PDK2: variants seen among roughly 807,000 people sequenced by gnomAD.
The protein encoded by PDK2 is pyruvate dehydrogenase kinase 2, also known as pyruvate dehydrogenase kinase, isozyme 2.
PDK2 carries 34 observed loss-of-function variants against 50.4 expected under a neutral mutation model. The ratio of observed to expected loss-of-function variants is 0.68; its 90% confidence interval spans 0.51 to 0.90. The LOEUF is 0.90. Among genes scored for constraint, PDK2 ranks in the 40% least tolerant of loss-of-function variants. The pLI is 0.00. For missense variants in PDK2, 377 were observed against 544.5 expected, an observed-to-expected ratio of 0.69 and a Z score of 3.06; for synonymous variants, 232 against 216.0, an observed-to-expected ratio of 1.07 and a Z score of -0.65.
Position 50,097,416 on chromosome 17 carries a change from C to A in PDK2, c.119-7C>A. 6.2e-7 allele frequency: 1 copy of A among 1,613,340 alleles called. No homozygotes were observed. The highest frequency in any genetic ancestry group is 8.5e-7 in the Non-Finnish European group (1 of 1,179,934). On this transcript the variant is annotated splice_polypyrimidine_tract_variant and splice_region_variant and intron_variant, in intron 1 of 10. Transcript: ENST00000503176. ...GCTCTGTGGCTCACCCCTCTTTCTC[C>A]TGCCAGGATCCAGCAATGCCTGTGA...
rs1277453319 is a variant in PDK2, at chr17:50,108,335, C to T, written c.779C>T (p.Thr260Ile). The T allele has an allele frequency of 2.5e-6, 4 of 1,613,906 alleles. No homozygotes were observed. In the African/African-American group the frequency reaches 4.0e-5, roughly 16 times the overall value. The change falls in exon 8 of 11, where the codon ACT becomes ATT. Residue 260 changes from threonine to isoleucine, a missense_variant. This residue lies in a region of PDK2 where 214 missense variants were observed against 294.0 expected (regional missense o/e 0.73). Transcript: ENST00000503176. Reference protein sequence around the residue: ...FELFKNAMRATVESHESSLIL... With the variant: ...FELFKNAMRAIVESHESSLIL... ...CCTCCGCAGAATGCCATGAGGGCGA[C>T]TGTGGAAAGCCATGAGTCCAGCCTC... is the stretch of plus-strand genomic sequence containing the variant.
chr17:50,107,001 TC>T, intron 5 of PDK2, 74 bp from the exon 6 acceptor site: 1 of 1,462,892 alleles, frequency 6.8e-7, no homozygotes, highest in Non-Finnish European at 9.6e-7. Context: ...ATGCTGGTGG[TC>T]CCCAGTATCA....
At chr17:50,108,460 G>A (rs1189972506) in intron 8 of PDK2, 43 bp downstream of exon 8, 5 of 1,511,320 alleles carry the variant, frequency 3.3e-6, no homozygotes, top group Non-Finnish European at 4.6e-6. Context: ...GCAGTAGTGG[G>A]GGCTTCCCTC....
chr17:50,106,285 G>A (rs1910512848), intron 4 of PDK2: 2 of 1,317,184 alleles, frequency 1.5e-6, no homozygotes, highest in African/African-American at 3.0e-5. Flanking sequence ...TTTGTTTTCA[G>A]TGTTTGCAAA....
Position 50,109,844 on chromosome 17 carries a change from T to G in PDK2, c.1084-113T>G. 8.0e-7 allele frequency: 1 copy of G among 1,242,358 alleles called. No individual in the cohort carries two copies. 77.0% of individuals were successfully genotyped at this position (1,242,358 alleles called of 1,614,324 possible). A position where few individuals can be genotyped will look rare whatever the true frequency, so the allele number is the denominator to read the frequency against. ...AGGAGGGACCACCCTTTTGTGGTCTTTCCAGGCCCCCGTGTCTGGCAGCTG... is the reference window on the plus strand; with the variant it reads ...AGGAGGGACCACCCTTTTGTGGTCTGTCCAGGCCCCCGTGTCTGGCAGCTG... On this transcript the variant is annotated intron_variant, in intron 10 of 10. Transcript: ENST00000503176. This position sits in a 1 kb window ranked among gnomAD's most constrained non-coding sequence, Gnocchi z 5.0.
chr17:50,097,466 G>A lies in PDK2; in HGVS notation c.162G>A (p.Arg54=). The change falls in exon 2 of 11, where the codon AGG becomes AGA. Residue 54 remains arginine (R), a synonymous_variant. Transcript: ENST00000503176. ...ACEKTSFTFL[R]QELPVRLANI... is the part of the protein sequence containing the mutation. ...AGAAAACCTCCTTCACCTTCCTCAGGCAGGAGCTGCCTGTGCGCCTGGCCA... is the reference window on the plus strand; with the variant it reads ...AGAAAACCTCCTTCACCTTCCTCAGACAGGAGCTGCCTGTGCGCCTGGCCA... 1.2e-6 allele frequency: 2 copies of A among 1,613,922 alleles called. No individual in the cohort carries two copies. Among genetic ancestry groups the A allele is most frequent in the Non-Finnish European group, 1.7e-6 (2 of 1,179,978 alleles).
intron 2 of PDK2, chr17:50,100,713 A>G (rs1910180798): frequency 6.6e-6 from 1 of 152,234 alleles, no homozygotes; most frequent in Non-Finnish European, 1.5e-5. Flanking sequence ...TCGCAACCTT[A>G]TGAGGTAGTC....
intron 3 of PDK2, among the ~76,000 whole-genome samples, chr17:50,105,663 C>T (rs1348221435): frequency 6.6e-6 from 1 of 152,190 alleles, no homozygotes; most frequent in Non-Finnish European, 1.5e-5. Flanking sequence ...GTGGGCAAGA[C>T]CCAGGCCCTG....
At chr17:50,096,382 T>C in intron 1 of PDK2, 3 of 758,832 alleles carry the variant, frequency 4.0e-6, no homozygotes, top group Non-Finnish European at 4.8e-6. Flanking sequence ...GTGTGGGCCC[T>C]GTCTGTCTAT....
intron 1 of PDK2, 158 bp downstream of exon 1, chr17:50,095,711 A>C (rs2144339704): frequency 3.5e-6 from 5 of 1,429,004 alleles, no homozygotes; most frequent in Non-Finnish European, 4.6e-6. Context: ...GGAAGCAGGA[A>C]CCGGCCGGGG....
intron 1 of PDK2, 133 bp downstream of exon 1, chr17:50,095,686 G>A (rs1396675045): frequency 1.9e-5 from 27 of 1,456,626 alleles, no homozygotes; most frequent in Non-Finnish European, 2.3e-5. Context: ...GGTACAGGCA[G>A]GAAAGAGTTA....
intron 2 of PDK2, among the ~76,000 whole-genome samples, chr17:50,104,750 C>T (rs540824199): frequency 6.6e-6 from 1 of 152,318 alleles, no homozygotes; most frequent in African/African-American, 2.4e-5. Context: ...CCAGGCACGC[C>T]CACCCCACCT....
rs1598206127 is a variant in PDK2 at position 50,096,095 on chromosome 17, G to A, written c.118+542G>A. 3.0e-6 allele frequency: 3 copies of A among 986,074 alleles called. No homozygotes were observed. The African/African-American group carries it at 5.2e-5, about 17-fold the overall frequency. The allele number at this position is 986,074 out of a possible 1,614,324, so 61.1% of individuals were successfully genotyped here. On this transcript the variant is annotated intron_variant, in intron 1 of 10. Transcript: ENST00000503176. ...GGGGCTCTTTCAGAAGATGCCATTG[G>A]GAGACAGTGCCCTGACTGGTAGACA... is the stretch of plus-strand genomic sequence containing the variant.
intron 9 of PDK2, 63 bp downstream of exon 9, chr17:50,108,782 C>G: frequency 1.0e-6 from 1 of 962,294 alleles, no homozygotes; most frequent in Non-Finnish European, 1.6e-6. Flanking sequence ...TCACTCACTT[C>G]CTTATCTCCC....
chr17:50,102,736 A>G (rs1242743827), intron 2 of PDK2, among the ~76,000 whole-genome samples: 1 of 152,234 alleles, frequency 6.6e-6, no homozygotes, highest in East Asian at 1.9e-4. Flanking sequence ...CCTCATCTGT[A>G]AAATGGGTCC....
At chr17:50,105,320 A>T in intron 2 of PDK2, 51 bp from the exon 3 acceptor site, 2 of 1,406,320 alleles carry the variant, frequency 1.4e-6, no homozygotes, top group Admixed American at 2.1e-5. Context: ...GTGGGTGAGG[A>T]GGGGCTAGCC....
chr17:50,095,252 C>T (rs1909867348), upstream of PDK2: 3 of 548,756 alleles, frequency 5.5e-6, no homozygotes, highest in African/African-American at 2.0e-5. Flanking sequence ...TATTGGTTCG[C>T]CCGGAGTTGT....
intron 2 of PDK2, among the ~76,000 whole-genome samples, chr17:50,103,948 G>A (rs1368621977): frequency 1.3e-5 from 2 of 152,192 alleles, no homozygotes; most frequent in African/African-American, 4.8e-5. Flanking sequence ...AGAGCACTGT[G>A]GACATGGGAA....
chr17:50,100,637 C>T (rs910441079), intron 2 of PDK2: 1 of 152,344 alleles, frequency 6.6e-6, no homozygotes, highest in African/African-American at 2.4e-5. Context: ...AAAGCAAACA[C>T]CTCCAAAGGC....
Sources: gnomAD v4.1 joint callset for allele counts (sites outside exome capture counted in the v4.1 genomes callset) on GRCh38, gnomAD v4.1.1 for gene constraint, gnomAD v4.1.1 regional missense constraint, Gnocchi (gnomAD v3.1) non-coding constraint, MANE v1.5 for transcripts, NCBI Gene and HGNC (gene_info 2026-07-23, HGNC 2026-07-21) for gene names.